The following ATP8A1 variants were observed in gnomAD, a reference collection of about 807,000 sequenced individuals.
ATP8A1 encodes ATPase phospholipid transporting 8A1, also known as phospholipid-transporting ATPase IA.
In ATP8A1, 90 loss-of-function variants were observed where a neutral mutation model predicts 177.7. The observed-to-expected ratio is 0.51, with a 90% CI of 0.43 to 0.60. The LOEUF is 0.60. Among genes scored for constraint, ATP8A1 ranks in the 20% least tolerant of loss-of-function variants. The pLI, the probability that ATP8A1 is intolerant of heterozygous loss-of-function variation, is 0.00. For synonymous variants in ATP8A1, 493 were observed against 485.9 expected (o/e 1.01, Z -0.19); for missense variants, 1,072 against 1,392.8 (o/e 0.77, Z 3.67).
At chr4:42,552,965 A>G (rs769713511) in intron 16 of ATP8A1, among the ~76,000 whole-genome samples, 5 of 152,224 alleles carry the variant, frequency 3.3e-5, no homozygotes, top group Non-Finnish European at 7.3e-5. Context: ...TAGCCAGGAC[A>G]AGAGAGTGAG....
chr4:42,518,840 T>A (rs982065742), intron 22 of ATP8A1, among the ~76,000 whole-genome samples: 3 of 152,154 alleles, frequency 2.0e-5, no homozygotes, highest in African/African-American at 7.2e-5. Context: ...CAGGGTAACA[T>A]TCTGGAAGAA....
chr4:42,636,138 ACACACACACACACACACACG>A (rs1223528144), intron 1 of ATP8A1, among the ~76,000 whole-genome samples: 8 of 40,308 alleles, frequency 2.0e-4, no homozygotes, highest in African/African-American at 4.7e-4. Flanking sequence ...ACACACACAC[ACACACACACACACACACACG>A]CACACACACA....
At position 42,555,139 on chromosome 4, in the gene ATP8A1, A is replaced by ATCTATCTAATCAATCTATCT. The variant is rs1553903246; in HGVS notation, c.1413+828_1413+829insAGATAGATTGATTAGATAGA. Among the ~76,000 whole-genome samples the ATCTATCTAATCAATCTATCT allele has an allele frequency of 8.4e-5, 5 of 59,558 alleles. No homozygotes were observed. The East Asian group carries it at 2.1e-3, about 25-fold the overall frequency. The allele number at this position is 59,558 out of a possible 152,430, so 39.1% of individuals were successfully genotyped here. A position where few individuals can be genotyped will look rare whatever the true frequency, so the allele number is the denominator to read the frequency against. On this transcript the variant is annotated intron_variant, in intron 16 of 36. Transcript: ENST00000381668. ...TATCTATCTATCTATCTATCTATCT[A>ATCTATCTAATCAATCTATCT]ATCTATCTATCTATCTATCTATCTA...
chr4:42,530,400 A>G (rs1310333036), intron 20 of ATP8A1, among the ~76,000 whole-genome samples: 3 of 152,206 alleles, frequency 2.0e-5, no homozygotes, highest in Non-Finnish European at 2.9e-5. Flanking sequence ...TACTCTGGAT[A>G]TGGGTTTGCC....
At chr4:42,456,747 G>A (rs979259606) in intron 27 of ATP8A1, among the ~76,000 whole-genome samples, 8 of 152,060 alleles carry the variant, frequency 5.3e-5, no homozygotes, top group African/African-American at 1.4e-4. Flanking sequence ...TAACAACACC[G>A]ACAACTACAA....
At chr4:42,435,496 C>G (rs1160012414) in intron 33 of ATP8A1, among the ~76,000 whole-genome samples, 3 of 139,642 alleles carry the variant, frequency 2.1e-5, no homozygotes, top group African/African-American at 8.1e-5. Context: ...TTTATTGAAA[C>G]AGATGGCACA....
At chr4:42,482,773 C>G (rs569628844) in intron 25 of ATP8A1, among the ~76,000 whole-genome samples, 2 of 152,242 alleles carry the variant, frequency 1.3e-5, no homozygotes, top group South Asian at 4.2e-4. Flanking sequence ...GAAGGCTTTC[C>G]CCTCTACTTC....
Position 42,590,701 on chromosome 4 carries a change from T to C in ATP8A1, c.524+110A>G. The C allele has an allele frequency of 3.2e-6, 3 of 936,134 alleles. No homozygotes were observed. The Admixed American group carries it at 6.2e-5, about 19-fold the overall frequency. The allele number at this position is 936,134 out of a possible 1,614,324, so 58.0% of individuals were successfully genotyped here. On this transcript the variant is annotated intron_variant, in intron 7 of 36. Coordinates refer to ENST00000381668, the MANE Select transcript of ATP8A1 (RefSeq NM_006095.2). ...CCATCACCAAGCAGTATAAAAAGTT[T>C]GTGTTTTAAAGGAAGAGACACAGAA...
intron 12 of ATP8A1, 143 bp from the exon 13 acceptor site, chr4:42,575,842 C>T (rs1577623892): frequency 1.5e-6 from 1 of 684,604 alleles, no homozygotes; most frequent in Non-Finnish European, 2.5e-6. Flanking sequence ...CCTGTTATTC[C>T]TATACCATTT....
At chr4:42,474,531 A>G (rs1429461319) in intron 25 of ATP8A1, among the ~76,000 whole-genome samples, 2 of 152,338 alleles carry the variant, frequency 1.3e-5, no homozygotes, top group African/African-American at 4.8e-5. Flanking sequence ...ATTCCTACGC[A>G]TGCCTTGGAA....
chr4:42,456,850 C>T (rs1718543880), intron 27 of ATP8A1, among the ~76,000 whole-genome samples: 1 of 152,114 alleles, frequency 6.6e-6, no homozygotes, highest in Middle Eastern at 3.2e-3. Flanking sequence ...TTTCATTTAA[C>T]CTCATTATGG....
chr4:42,489,016 TAGAGAA>T lies in ATP8A1; in HGVS notation c.2152-3354_2152-3349del, dbSNP rs555823693. Among the ~76,000 whole-genome samples the T allele has an allele frequency of 2.3e-3, 344 of 152,296 alleles. 6 individuals carry two copies. Among genetic ancestry groups the T allele is most frequent in the Non-Finnish European group, 4.3e-4 (29 of 68,020 alleles). On this transcript the variant is annotated intron_variant, in intron 24 of 36. Coordinates refer to ENST00000381668, the MANE Select transcript of ATP8A1 (RefSeq NM_006095.2). Reference sequence around the variant, plus strand: ...TTCCCCCTTTATTATCACTTCTGATTAGAGAAAGAGAGAGAGTAAGAGAGAGACACA... The same window carrying T: ...TTCCCCCTTTATTATCACTTCTGATTAGAGAGAGAGTAAGAGAGAGACACA...
chr4:42,552,878 C>T (rs1210951005), intron 16 of ATP8A1, among the ~76,000 whole-genome samples: 1 of 152,176 alleles, frequency 6.6e-6, no homozygotes, highest in Non-Finnish European at 1.5e-5. Context: ...ATTCGGGAAG[C>T]TGAGTCAGGA....
chr4:42,618,852 AT>A (rs572810562), intron 4 of ATP8A1, among the ~76,000 whole-genome samples: 7 of 151,788 alleles, frequency 4.6e-5, no homozygotes, highest in East Asian at 1.9e-4. Context: ...ATATATCTTC[AT>A]TTTTTTTACA....
intron 1 of ATP8A1, among the ~76,000 whole-genome samples, chr4:42,646,672 A>G (rs188852509): frequency 1.6e-4 from 25 of 152,338 alleles, no homozygotes; most frequent in African/African-American, 5.5e-4. Context: ...GCTCTGGTCC[A>G]GAACCCAGGC....
chr4:42,657,091 G>C lies in ATP8A1; in HGVS notation c.-218C>G, dbSNP rs1741727354. On this transcript the variant is annotated 5_prime_UTR_variant, in exon 1 of 37. Transcript: ENST00000381668. ...CGGCGAAGGTGGCGGCGCCCGCAGA[G>C]CTGGGCGAGCTCTTGCTGCAGCCGC... 1 of 407,788 alleles carries C rather than the reference G, an allele frequency of 2.5e-6. No individual in the cohort carries two copies. The highest frequency in any genetic ancestry group is 2.1e-5 in the African/African-American group (1 of 48,328). The allele number at this position is 407,788 out of a possible 1,614,324, so 25.3% of individuals were successfully genotyped here.
Position 42,657,055 on chromosome 4 carries a change from G to A in ATP8A1, c.-182C>T. 3 of 515,328 alleles carry A rather than the reference G, an allele frequency of 5.8e-6. No homozygotes were observed. The highest frequency in any genetic ancestry group is 9.0e-6 in the Non-Finnish European group (3 of 334,818). 31.9% of individuals were successfully genotyped at this position (515,328 alleles called of 1,614,324 possible). On this transcript the variant is annotated 5_prime_UTR_variant, in exon 1 of 37. Coordinates refer to ENST00000381668, the MANE Select transcript of ATP8A1 (RefSeq NM_006095.2). Reference sequence around the variant, plus strand: ...CGCACGCCGACAGGAGGAGGAGAAAGGCAGCGGTGGCGGCGAAGGTGGCGG... The same window carrying A: ...CGCACGCCGACAGGAGGAGGAGAAAAGCAGCGGTGGCGGCGAAGGTGGCGG...
Position 42,472,681 on chromosome 4 carries a change from T to G in ATP8A1, c.2325-7605A>C, listed in dbSNP as rs541978422. 3.3e-5 allele frequency among the ~76,000 whole-genome samples: 5 copies of G among 149,322 alleles called. No homozygotes were observed. In the Admixed American group the frequency reaches 3.4e-4, roughly 10 times the overall value. ...ATTGCGTGAACCTGGGAGATGGAGGTTGCAGTTGCAGTGAGCTGAGATCGC... is the reference window on the plus strand; with the variant it reads ...ATTGCGTGAACCTGGGAGATGGAGGGTGCAGTTGCAGTGAGCTGAGATCGC... On this transcript the variant is annotated intron_variant, in intron 25 of 36. Transcript: ENST00000381668.
intron 20 of ATP8A1, among the ~76,000 whole-genome samples, chr4:42,531,186 T>C (rs975667199): frequency 2.6e-5 from 4 of 152,146 alleles, no homozygotes; most frequent in African/African-American, 9.7e-5. Flanking sequence ...CGACTCTTAG[T>C]ATTACCATGC....
Sources: allele counts gnomAD v4.1 joint callset (sites outside exome capture counted in the v4.1 genomes callset), GRCh38; gene constraint gnomAD v4.1.1; transcripts MANE v1.5; gene names NCBI Gene and HGNC (gene_info 2026-07-23, HGNC 2026-07-21).